The following CAMTA1 variants were observed in gnomAD, a reference collection of about 807,000 sequenced individuals.
CAMTA1 encodes calmodulin-binding transcription activator 1.
In CAMTA1, 27 loss-of-function variants were observed where a neutral mutation model predicts 170.9. That is an observed-to-expected ratio of 0.16 (90% CI 0.12 to 0.22). The LOEUF is 0.22. CAMTA1 is among the 10% of genes least tolerant of loss of function. The pLI, the probability that CAMTA1 is intolerant of heterozygous loss-of-function variation, is 1.00. For synonymous variants in CAMTA1, 833 were observed against 891.5 expected, an observed-to-expected ratio of 0.93 and a Z score of 1.17; for missense variants, 1,619 against 2,217.2, an observed-to-expected ratio of 0.73 and a Z score of 5.42.
intron 5 of CAMTA1, among the ~76,000 whole-genome samples, chr1:7,354,385 G>A (rs1310837694): frequency 2.6e-5 from 4 of 151,772 alleles, no homozygotes; most frequent in Non-Finnish European, 5.9e-5. Flanking sequence ...TCCCGACCTC[G>A]TGATCCGCCC....
intron 6 of CAMTA1, among the ~76,000 whole-genome samples, chr1:7,477,931 A>G (rs952538712): frequency 6.6e-5 from 10 of 152,270 alleles, no homozygotes; most frequent in African/African-American, 2.2e-4. Context: ...TGGGACCACC[A>G]GAGCCAAAGG....
At position 7,640,397 on chromosome 1, in the gene CAMTA1, C is replaced by T. The variant is rs1239931786; in HGVS notation, c.511-3C>T. The T allele has an allele frequency of 1.2e-6, 2 of 1,613,780 alleles. No individual in the cohort carries two copies. Among genetic ancestry groups the T allele is most frequent in the Admixed American group, 3.3e-5 (2 of 60,016 alleles). On this transcript the variant is annotated splice_polypyrimidine_tract_variant and splice_region_variant and intron_variant, in intron 6 of 22. Transcript: ENST00000303635. Reference sequence around the variant, plus strand: ...ATGCTGCCAGTCTCTGCTCTCCCCACAGAACCCCGACATCGTCCTGGTGCA... The same window carrying T: ...ATGCTGCCAGTCTCTGCTCTCCCCATAGAACCCCGACATCGTCCTGGTGCA...
Position 6,876,639 on chromosome 1 carries a change from C to T in CAMTA1, c.234+51429C>T, listed in dbSNP as rs956038128. 2.9e-4 allele frequency among the ~76,000 whole-genome samples: 44 copies of T among 152,200 alleles called. No homozygotes were observed. In the Middle Eastern group the frequency reaches 0.014, roughly 47 times the overall value. ...CGGCCTCCTAGAGTGCTGGGATTAC[C>T]GTGGTGAGCTGCTGCGCCTGGCCAA... On this transcript the variant is annotated intron_variant, in intron 3 of 22. Transcript: ENST00000303635.
rs184462050 is a variant in CAMTA1, at chr1:7,067,856, C to T, written c.235-23448C>T. On this transcript the variant is annotated intron_variant, in intron 3 of 22. Coordinates refer to ENST00000303635, the MANE Select transcript of CAMTA1 (RefSeq NM_015215.4). The surrounding 1 kb of genome is among the most constrained non-coding windows in gnomAD (Gnocchi z 4.3). ...TCATGGTCAGTGATTGGTTTAGGGGCGGCCTGTAACTCAGTTATTGCCAGT... is the reference window on the plus strand; with the variant it reads ...TCATGGTCAGTGATTGGTTTAGGGGTGGCCTGTAACTCAGTTATTGCCAGT... Among the ~76,000 whole-genome samples the T allele has an allele frequency of 9.2e-5, 14 of 152,248 alleles. No homozygotes were observed. The highest frequency in any genetic ancestry group is 3.9e-4 in the East Asian group (2 of 5,180).
chr1:6,929,673 A>G (rs1245892351), intron 3 of CAMTA1, among the ~76,000 whole-genome samples: 1 of 151,974 alleles, frequency 6.6e-6, no homozygotes, highest in Non-Finnish European at 1.5e-5. Flanking sequence ...TAATTTTTGT[A>G]TTTTTAGTAG....
chr1:7,089,490 G>A lies in CAMTA1; in HGVS notation c.235-1814G>A, dbSNP rs766336886. On this transcript the variant is annotated intron_variant, in intron 3 of 22. Transcript: ENST00000303635. ...GACACACACACACTCTCTCACTCAC[G>A]TGTGCATGCATATTTACTTCTGCCA... Among the ~76,000 whole-genome samples the A allele has an allele frequency of 8.6e-5, 13 of 151,960 alleles. No individual in the cohort carries two copies. In the Middle Eastern group the frequency reaches 0.02, roughly 239 times the overall value.
chr1:7,295,265 A>T (rs538413465), intron 5 of CAMTA1, among the ~76,000 whole-genome samples: 2 of 152,174 alleles, frequency 1.3e-5, no homozygotes, highest in Admixed American at 6.5e-5. Flanking sequence ...CCCGTACTCA[A>T]TGCTGTCATG....
At chr1:7,476,941 G>T (rs867407263) in intron 6 of CAMTA1, among the ~76,000 whole-genome samples, 4 of 152,144 alleles carry the variant, frequency 2.6e-5, no homozygotes, top group African/African-American at 7.2e-5. Context: ...TCAGGCCTCC[G>T]CAGCCCCCGC....
In CAMTA1 at chr1:6,887,960, G is replaced by T; in HGVS notation, c.234+62750G>T. The T allele has an allele frequency of 3.2e-6, 4 of 1,260,626 alleles. No homozygotes were observed. In the South Asian group the frequency reaches 7.2e-5, roughly 23 times the overall value. 78.1% of individuals were successfully genotyped at this position (1,260,626 alleles called of 1,614,324 possible). On this transcript the variant is annotated intron_variant, in intron 3 of 22. Coordinates refer to ENST00000303635, the MANE Select transcript of CAMTA1 (RefSeq NM_015215.4). This position sits in a 1 kb window ranked among gnomAD's most constrained non-coding sequence, Gnocchi z 4.1. ...TGAGCTCTGGAGAGCAGGGCTCTGTGCACACGCCTCCTGGTCCAGAGGCCT... is the reference window on the plus strand; with the variant it reads ...TGAGCTCTGGAGAGCAGGGCTCTGTTCACACGCCTCCTGGTCCAGAGGCCT...
chr1:7,040,059 TA>T (rs1465685708), intron 3 of CAMTA1, among the ~76,000 whole-genome samples: 2 of 152,040 alleles, frequency 1.3e-5, no homozygotes, highest in Non-Finnish European at 2.9e-5. Context: ...CTTCTTTAAA[TA>T]AATGGATTTT....
At chr1:6,973,939 C>T (rs1439756370) in intron 3 of CAMTA1, among the ~76,000 whole-genome samples, 1 of 152,240 alleles carries the variant, frequency 6.6e-6, no homozygotes, top group Non-Finnish European at 1.5e-5. Flanking sequence ...CCAAAAGGAA[C>T]TTCCTCTGTC....
intron 3 of CAMTA1, among the ~76,000 whole-genome samples, chr1:7,066,935 A>C (rs1709039062): frequency 6.6e-6 from 1 of 152,236 alleles, no homozygotes; most frequent in South Asian, 2.1e-4. Flanking sequence ...CATTGGCTTG[A>C]TTAGATCAAG....
intron 6 of CAMTA1, among the ~76,000 whole-genome samples, chr1:7,477,403 C>G (rs886798872): frequency 6.6e-6 from 1 of 152,090 alleles, no homozygotes; most frequent in Non-Finnish European, 1.5e-5. Context: ...AATAACGTGA[C>G]GAGGAGATAA....
chr1:6,839,717 C>CT (rs1654887014), intron 3 of CAMTA1, among the ~76,000 whole-genome samples: 1 of 152,142 alleles, frequency 6.6e-6, no homozygotes, highest in African/African-American at 2.4e-5. Flanking sequence ...AAGCCAGCTA[C>CT]TTGAGTATCT....
In CAMTA1 at chr1:7,216,298, T is replaced by G. The variant is rs1659741876; in HGVS notation, c.303-33193T>G. Among the ~76,000 whole-genome samples the G allele has an allele frequency of 6.6e-6, 1 of 152,190 alleles. No individual in the cohort carries two copies. The highest frequency in any genetic ancestry group is 1.5e-5 in the Non-Finnish European group (1 of 68,030). On this transcript the variant is annotated intron_variant, in intron 4 of 22. Coordinates refer to ENST00000303635, the MANE Select transcript of CAMTA1 (RefSeq NM_015215.4). This position sits in a 1 kb window ranked among gnomAD's most constrained non-coding sequence, Gnocchi z 4.0. ...CTTCCTCCAACACTGGGGATTACAG[T>G]TTGACATGAGATTTGGGTGGGGACA...
intron 11 of CAMTA1, among the ~76,000 whole-genome samples, chr1:7,728,569 A>G (rs2096708738): frequency 6.6e-6 from 1 of 152,228 alleles, no homozygotes; most frequent in East Asian, 1.9e-4. Context: ...ATCTGTGGCT[A>G]TGGAGGTTTA....
intron 1 of CAMTA1, among the ~76,000 whole-genome samples, chr1:6,815,156 T>C (rs1210200683): frequency 6.6e-6 from 1 of 152,210 alleles, no homozygotes; most frequent in Non-Finnish European, 1.5e-5. Context: ...AGTATACTTT[T>C]TGAAAACAGG....
chr1:6,955,222 C>T (rs945437487), intron 3 of CAMTA1, among the ~76,000 whole-genome samples: 1 of 152,068 alleles, frequency 6.6e-6, no homozygotes, highest in Non-Finnish European at 1.5e-5. Context: ...AGGACCTCCC[C>T]TGGGGGTAGA....
intron 6 of CAMTA1, among the ~76,000 whole-genome samples, chr1:7,526,782 A>T (rs997115621): frequency 9.8e-5 from 15 of 152,300 alleles, no homozygotes; most frequent in Non-Finnish European, 2.1e-4. Context: ...TGCCCAGATG[A>T]CCAGGCTGAC....
Sources: allele counts gnomAD v4.1 joint callset (sites outside exome capture counted in the v4.1 genomes callset), GRCh38; gene constraint gnomAD v4.1.1; non-coding constraint Gnocchi (gnomAD v3.1); transcripts MANE v1.5; gene names NCBI Gene and HGNC (gene_info 2026-07-23, HGNC 2026-07-21).